Variants in KCNH7 observed in about 807,000 individuals in gnomAD.
KCNH7 encodes potassium voltage-gated channel subfamily H member 7.
Under a neutral mutation model 120.8 loss-of-function variants are expected in KCNH7, and 49 were observed. That is an observed-to-expected ratio of 0.41 (90% CI 0.32 to 0.51). The LOEUF (loss-of-function observed/expected upper bound fraction) is 0.51. KCNH7 is among the 20% of genes least tolerant of loss of function. The pLI is 0.38. For missense variants in KCNH7, 1,097 were observed against 1,446.6 expected (o/e 0.76, Z 3.92); for synonymous variants, 547 against 516.1 (o/e 1.06, Z -0.81).
At chr2:162,758,963 A>G (rs933875734) in intron 2 of KCNH7, among the ~76,000 whole-genome samples, 1 of 152,174 alleles carries the variant, frequency 6.6e-6, no homozygotes, top group Non-Finnish European at 1.5e-5. Context: ...GACATAAATA[A>G]TATTCAAATG....
At chr2:162,822,568 G>T (rs546975874) in intron 2 of KCNH7, among the ~76,000 whole-genome samples, 1 of 151,148 alleles carries the variant, frequency 6.6e-6, no homozygotes, top group Non-Finnish European at 1.5e-5. Context: ...TTTCAAACAG[G>T]TAAGGAACTA....
At chr2:162,515,366 A>T (rs1323062909) in intron 4 of KCNH7, among the ~76,000 whole-genome samples, 2 of 151,812 alleles carry the variant, frequency 1.3e-5, no homozygotes, top group Admixed American at 1.3e-4. Context: ...CATATAAATT[A>T]AAAACAATGA....
chr2:162,838,416 G>A, intron 1 of KCNH7, 27 bp downstream of exon 1: 1 of 1,589,586 alleles, frequency 6.3e-7, no homozygotes, highest in East Asian at 2.2e-5. Context: ...GAAAGCGAGG[G>A]CGAGAGAAGA....
chr2:162,760,658 C>T (rs1057081190), intron 2 of KCNH7, among the ~76,000 whole-genome samples: 7 of 152,012 alleles, frequency 4.6e-5, no homozygotes, highest in African/African-American at 9.7e-5. Flanking sequence ...TTAATGCGAT[C>T]AAAAGTAGTG....
intron 6 of KCNH7, among the ~76,000 whole-genome samples, chr2:162,448,082 G>A (rs528914419): frequency 7.6e-4 from 115 of 152,120 alleles, no homozygotes; most frequent in African/African-American, 2.4e-3. Flanking sequence ...ATTAGCAAAA[G>A]AGCAATCTGG....
intron 14 of KCNH7, among the ~76,000 whole-genome samples, chr2:162,374,711 T>G (rs1025325743): frequency 9.2e-5 from 14 of 152,078 alleles, no homozygotes; most frequent in African/African-American, 3.4e-4. Flanking sequence ...AGAAAATATC[T>G]TCTTTTTTTT....
intron 7 of KCNH7, among the ~76,000 whole-genome samples, chr2:162,442,483 A>G (rs1172422574): frequency 1.3e-5 from 2 of 152,154 alleles, no homozygotes; most frequent in East Asian, 3.9e-4. Flanking sequence ...ATTTAGGGAA[A>G]TTGGCAAAGA....
At chr2:162,628,678 G>A (rs565845986) in intron 2 of KCNH7, among the ~76,000 whole-genome samples, 10 of 151,864 alleles carry the variant, frequency 6.6e-5, no homozygotes, top group South Asian at 6.2e-4. Context: ...CCACTTATAC[G>A]TAAGAACATG....
chr2:162,467,340 G>T (rs1012373032), intron 6 of KCNH7, among the ~76,000 whole-genome samples: 8 of 152,216 alleles, frequency 5.3e-5, no homozygotes, highest in Admixed American at 2.6e-4. Flanking sequence ...CAACATTGGA[G>T]CTGAAGCCTA....
chr2:162,568,979 T>C (rs1259877307), intron 2 of KCNH7, among the ~76,000 whole-genome samples: 1 of 152,114 alleles, frequency 6.6e-6, no homozygotes, highest in Admixed American at 6.6e-5. Context: ...GGGATATTGG[T>C]CTAAAATTCT....
intron 2 of KCNH7, among the ~76,000 whole-genome samples, chr2:162,543,382 G>C (rs1692378460): frequency 6.6e-6 from 1 of 151,826 alleles, no homozygotes. Flanking sequence ...TAGTTGATGG[G>C]GTAATATGGG....
Position 162,427,048 on chromosome 2 carries a change from G to T in KCNH7, c.1955-3513C>A, listed in dbSNP as rs573649065. On this transcript the variant is annotated intron_variant, in intron 8 of 15. Transcript: ENST00000332142. ...GAGAATCATTCTGTTGTGTGTATCAGTAATTTGTTTTTTTTTTAACTGCTG... is the reference window on the plus strand; with the variant it reads ...GAGAATCATTCTGTTGTGTGTATCATTAATTTGTTTTTTTTTTAACTGCTG... 3.4e-3 allele frequency among the ~76,000 whole-genome samples: 512 copies of T among 151,930 alleles called. 6 individuals carry two copies. The highest frequency in any genetic ancestry group is 0.027 in the South Asian group (129 of 4,818).
chr2:162,525,209 A>G (rs995762668), intron 3 of KCNH7, among the ~76,000 whole-genome samples: 1 of 151,968 alleles, frequency 6.6e-6, no homozygotes, highest in African/African-American at 2.4e-5. Flanking sequence ...AGCAGTGAGG[A>G]TAGGACCAAA....
At chr2:162,566,976 G>GACA (rs1044546391) in intron 2 of KCNH7, among the ~76,000 whole-genome samples, 2 of 151,988 alleles carry the variant, frequency 1.3e-5, no homozygotes, top group Non-Finnish European at 2.9e-5. Flanking sequence ...ATTAATACAT[G>GACA]ACAACAGTGC....
intron 2 of KCNH7, among the ~76,000 whole-genome samples, chr2:162,636,687 C>A (rs1293510951): frequency 6.6e-6 from 1 of 152,042 alleles, no homozygotes; most frequent in East Asian, 1.9e-4. Flanking sequence ...GGTATTTTTT[C>A]ACACAAATGG....
intron 2 of KCNH7, among the ~76,000 whole-genome samples, chr2:162,589,942 C>T (rs758312732): frequency 1.3e-5 from 2 of 151,514 alleles, no homozygotes; most frequent in Admixed American, 6.6e-5. Flanking sequence ...AGGTAAGAAC[C>T]GACATATTGA....
chr2:162,416,099 A>G (rs920567672), intron 9 of KCNH7, among the ~76,000 whole-genome samples: 1 of 152,108 alleles, frequency 6.6e-6, no homozygotes, highest in Non-Finnish European at 1.5e-5. Context: ...AATATTAAGA[A>G]TAGCTCATAG....
intron 2 of KCNH7, among the ~76,000 whole-genome samples, chr2:162,787,680 C>A (rs570365367): frequency 6.6e-5 from 10 of 152,158 alleles, no homozygotes; most frequent in African/African-American, 1.9e-4. Flanking sequence ...AGGACCAGCC[C>A]GGCCCCCACT....
intron 6 of KCNH7, among the ~76,000 whole-genome samples, chr2:162,474,597 G>A (rs1689669830): frequency 6.6e-6 from 1 of 152,206 alleles, no homozygotes; most frequent in East Asian, 1.9e-4. Flanking sequence ...TAGCAGAGGT[G>A]AAAAGATGTC....
Sources: gnomAD v4.1 joint callset for allele counts (sites outside exome capture counted in the v4.1 genomes callset) on GRCh38, gnomAD v4.1.1 for gene constraint, MANE v1.5 for transcripts, NCBI Gene and HGNC (gene_info 2026-07-23, HGNC 2026-07-21) for gene names.